The following RUNX1 variants were observed in gnomAD, a reference collection of about 807,000 sequenced individuals.
The protein encoded by RUNX1 is runt-related transcription factor 1.
In RUNX1, 19 loss-of-function variants were observed where a neutral mutation model predicts 42.8. The ratio of observed to expected loss-of-function variants is 0.44; its 90% CI spans 0.31 to 0.65. The LOEUF (loss-of-function observed/expected upper bound fraction) is 0.65. RUNX1 is among the 30% of genes least tolerant of loss of function. The probability of loss-of-function intolerance (pLI) is 0.07; values close to 1 mark genes in which losing one functional copy is unlikely to be tolerated. For missense variants in RUNX1, 528 were observed against 672.0 expected (o/e 0.79, Z 2.37); for synonymous variants, 271 against 289.4 (o/e 0.94, Z 0.64).
intron 5 of RUNX1, among the ~76,000 whole-genome samples, chr21:34,870,832 C>T (rs1464297115): frequency 6.6e-6 from 1 of 152,152 alleles, no homozygotes; most frequent in Non-Finnish European, 1.5e-5. Context: ...GTGGTGCAAG[C>T]CTGTAATCCC....
At chr21:34,889,593 C>T in intron 3 of RUNX1, 2 of 923,836 alleles carry the variant, frequency 2.2e-6, no homozygotes, top group Non-Finnish European at 1.3e-6. Flanking sequence ...CCGGGCCCCG[C>T]GTCTCCCCTC....
chr21:34,796,897 G>T (rs2145897431), intron 8 of RUNX1, among the ~76,000 whole-genome samples: 1 of 152,336 alleles, frequency 6.6e-6, no homozygotes, highest in East Asian at 1.9e-4. Flanking sequence ...GAGACAGACA[G>T]AGTCCAAGTC....
At chr21:34,897,758 A>C (rs535134537) in intron 2 of RUNX1, among the ~76,000 whole-genome samples, 1 of 152,304 alleles carries the variant, frequency 6.6e-6, no homozygotes, top group Non-Finnish European at 1.5e-5. Flanking sequence ...TGGAAGCAGA[A>C]ACTGGTTGTA....
chr21:34,848,686 C>T (rs1048299116), intron 6 of RUNX1, among the ~76,000 whole-genome samples: 3 of 152,172 alleles, frequency 2.0e-5, no homozygotes, highest in Admixed American at 6.5e-5. Context: ...CGGCCCACCT[C>T]GGGCTTCCAA....
At chr21:35,017,129 G>T (rs897946445) in intron 2 of RUNX1, among the ~76,000 whole-genome samples, 1 of 152,086 alleles carries the variant, frequency 6.6e-6, no homozygotes, top group Non-Finnish European at 1.5e-5. Context: ...ATCAGTCTTT[G>T]TCTACCTTCT....
chr21:35,017,452 G>A lies in RUNX1; in HGVS notation c.58+31390C>T, dbSNP rs897811280. Reference sequence around the variant, plus strand: ...AATGTCACATTTTGGTTAGGGATCAGGCTCATTTTACACACGCCTAAGCAA... The same window carrying A: ...AATGTCACATTTTGGTTAGGGATCAAGCTCATTTTACACACGCCTAAGCAA... On this transcript the variant is annotated intron_variant, in intron 2 of 8. Transcript: ENST00000675419. Among the ~76,000 whole-genome samples, 8 of 152,118 alleles carry A rather than the reference G, an allele frequency of 5.3e-5. No individual in the cohort carries two copies. In the East Asian group the frequency reaches 1.5e-3, roughly 29 times the overall value.
At chr21:34,889,901 G>A in intron 3 of RUNX1, 1 of 1,033,040 alleles carries the variant, frequency 9.7e-7, no homozygotes, top group Middle Eastern at 3.8e-4. Context: ...ATCCACCCCG[G>A]GGCTGCAACC....
At chr21:35,009,517 TC>T (rs1175518803) in intron 2 of RUNX1, among the ~76,000 whole-genome samples, 1 of 152,170 alleles carries the variant, frequency 6.6e-6, no homozygotes, top group Non-Finnish European at 1.5e-5. Context: ...ATTATTATAT[TC>T]CTGGGATAAG....
chr21:34,839,411 C>A (rs771177244), intron 6 of RUNX1, among the ~76,000 whole-genome samples: 20 of 152,090 alleles, frequency 1.3e-4, no homozygotes, highest in Admixed American at 2.6e-4. Flanking sequence ...CACCGACACA[C>A]ACACTCGGGA....
rs567275898 is a variant in RUNX1 at position 34,908,322 on chromosome 21, G to GT, written c.59-15360dup. On this transcript the variant is annotated intron_variant, in intron 2 of 8. Coordinates refer to ENST00000675419, the MANE Select transcript of RUNX1 (RefSeq NM_001754.5). Reference sequence around the variant, plus strand: ...TCTTCCTGAAGTGTCAATCAGGAAGGTATTTTTAAATTGTATTGGAAAGGA... The same window carrying GT: ...TCTTCCTGAAGTGTCAATCAGGAAGGTTATTTTTAAATTGTATTGGAAAGGA... Among the ~76,000 whole-genome samples, 8 of 152,252 alleles carry GT rather than the reference G, an allele frequency of 5.3e-5. No individual in the cohort carries two copies. In the East Asian group the frequency reaches 1.5e-3, roughly 29 times the overall value.
chr21:34,880,418 T>A lies in RUNX1; in HGVS notation c.508+139A>T, dbSNP rs1280801339. ...AATATTAAACTTCAAATAAATATTT[T>A]TAAGAGCTTGACATAGCAATAAGAA... On this transcript the variant is annotated intron_variant, in intron 5 of 8. Coordinates refer to ENST00000675419, the MANE Select transcript of RUNX1 (RefSeq NM_001754.5). The A allele has an allele frequency of 5.2e-6, 4 of 764,808 alleles. No individual in the cohort carries two copies. In the East Asian group the frequency reaches 7.9e-5, roughly 15 times the overall value. The allele number at this position is 764,808 out of a possible 1,614,324, so 47.4% of individuals were successfully genotyped here.
intron 5 of RUNX1, among the ~76,000 whole-genome samples, chr21:34,874,311 C>T (rs2057782093): frequency 6.6e-6 from 1 of 151,872 alleles, no homozygotes; most frequent in African/African-American, 2.4e-5. Flanking sequence ...AAGAAAACAG[C>T]CTTAAGACAG....
intron 2 of RUNX1, among the ~76,000 whole-genome samples, chr21:34,915,480 CA>C (rs1266403503): frequency 1.3e-5 from 2 of 152,094 alleles, no homozygotes; most frequent in Admixed American, 6.5e-5. Flanking sequence ...AGCCTAAACA[CA>C]AATAGGCAAA....
chr21:35,002,967 G>A (rs138011655), intron 2 of RUNX1, among the ~76,000 whole-genome samples: 163 of 152,138 alleles, frequency 1.1e-3, no homozygotes, highest in African/African-American at 3.3e-3. Context: ...TGGGATTTTC[G>A]CCTCACATTT....
At chr21:35,010,756 C>T (rs773042736) in intron 2 of RUNX1, among the ~76,000 whole-genome samples, 10 of 152,084 alleles carry the variant, frequency 6.6e-5, no homozygotes, top group African/African-American at 1.4e-4. Context: ...TAAACACACT[C>T]GTTGAGGCTG....
chr21:35,006,902 C>A (rs2059089145), intron 2 of RUNX1, among the ~76,000 whole-genome samples: 1 of 152,098 alleles, frequency 6.6e-6, no homozygotes. Context: ...ACTGTACTTG[C>A]CACCTCCTTT....
chr21:34,809,752 G>A (rs2268277), intron 7 of RUNX1, among the ~76,000 whole-genome samples: 27 of 151,946 alleles, frequency 1.8e-4, no homozygotes, highest in African/African-American at 5.8e-4. Flanking sequence ...AAGAGCTGTC[G>A]CTGGGGCAGA....
chr21:34,815,253 G>A (rs542394575), intron 7 of RUNX1, among the ~76,000 whole-genome samples: 2 of 152,108 alleles, frequency 1.3e-5, no homozygotes, highest in South Asian at 4.1e-4. Flanking sequence ...ACTTTTTTTT[G>A]TTTGTGTGTT....
rs1039382438 is a variant in RUNX1 at position 34,792,432 on chromosome 21, C to T, written c.1146G>A (p.Pro382=). ...GSATRYHTYL[P]PPYPGSSQAQ... Reference sequence around the variant, plus strand: ...CTTGCGACGAGCCGGGGTAGGGCGGCGGCAGGTAGGTGTGGTAGCGCGTGG... The same window carrying T: ...CTTGCGACGAGCCGGGGTAGGGCGGTGGCAGGTAGGTGTGGTAGCGCGTGG... Residue 382 remains proline, a synonymous_variant, in exon 9 of 9, where the codon CCG becomes CCA. Coordinates refer to ENST00000675419, the MANE Select transcript of RUNX1 (RefSeq NM_001754.5). The surrounding 1 kb of genome is among the most constrained non-coding windows in gnomAD (Gnocchi z 6.9). 6.4e-7 allele frequency: 1 copy of T among 1,572,718 alleles called. No individual in the cohort carries two copies. The highest frequency in any genetic ancestry group is 8.6e-7 in the Non-Finnish European group (1 of 1,159,210).
Sources: gnomAD v4.1 joint callset for allele counts (sites outside exome capture counted in the v4.1 genomes callset) on GRCh38, gnomAD v4.1.1 for gene constraint, Gnocchi (gnomAD v3.1) non-coding constraint, MANE v1.5 for transcripts, NCBI Gene and HGNC (gene_info 2026-07-23, HGNC 2026-07-21) for gene names.